WDR25: variants seen among roughly 807,000 people sequenced by gnomAD.
The protein encoded by WDR25 is WD repeat-containing protein 25.
In WDR25, 35 loss-of-function variants were observed where a neutral mutation model predicts 47.7. That is an observed-to-expected ratio of 0.73 (90% confidence interval 0.56 to 0.97). The LOEUF (loss-of-function observed/expected upper bound fraction) is 0.97, where lower values mean the gene tolerates loss of function less well. Among genes scored for constraint, WDR25 ranks in the 50% least tolerant of loss-of-function variants. WDR25 has a pLI of 0.00. For synonymous variants in WDR25, 248 were observed against 278.9 expected (o/e 0.89, Z 1.10); for missense variants, 634 against 704.7 (o/e 0.90, Z 1.14).
intron 2 of WDR25, among the ~76,000 whole-genome samples, chr14:100,386,421 A>T (rs943274516): frequency 2.0e-5 from 3 of 152,172 alleles, no homozygotes; most frequent in Admixed American, 6.5e-5. Flanking sequence ...GAATTTTTCT[A>T]CCTTATTAAA....
rs912878577 is a variant in WDR25, at chr14:100,428,189, C to T, written c.823-39832C>T. Among the ~76,000 whole-genome samples the T allele has an allele frequency of 2.0e-5, 3 of 152,236 alleles. No individual in the cohort carries two copies. The highest frequency in any genetic ancestry group is 2.9e-5 in the Non-Finnish European group (2 of 68,048). Reference sequence around the variant, plus strand: ...TCCGACCGAAGCGTTGGCACTGACCCGTCTAGAATTCTGTGTGCGGAGTGG... The same window carrying T: ...TCCGACCGAAGCGTTGGCACTGACCTGTCTAGAATTCTGTGTGCGGAGTGG... On this transcript the variant is annotated intron_variant, in intron 2 of 6. Coordinates refer to ENST00000402312, the MANE Select transcript of WDR25 (RefSeq NM_001161476.3). The surrounding 1 kb of genome is among the most constrained non-coding windows in gnomAD (Gnocchi z 4.3).
intron 4 of WDR25, among the ~76,000 whole-genome samples, chr14:100,486,710 G>A (rs886346494): frequency 1.3e-5 from 2 of 152,206 alleles, no homozygotes; most frequent in Admixed American, 1.3e-4. Flanking sequence ...GGCTCAGCCT[G>A]GGCGTGTATG....
chr14:100,406,001 G>C (rs73361441), intron 2 of WDR25, among the ~76,000 whole-genome samples: 3,520 of 152,236 alleles, frequency 0.023, 147 homozygotes, highest in African/African-American at 0.081. Context: ...CAGAATGGAG[G>C]TGTGCTCCAT....
chr14:100,396,724 G>A (rs903673593), intron 2 of WDR25, among the ~76,000 whole-genome samples: 1 of 152,244 alleles, frequency 6.6e-6, no homozygotes, highest in African/African-American at 2.4e-5. Flanking sequence ...ATCTCTGTCC[G>A]AATCAAGCTA....
intron 2 of WDR25, among the ~76,000 whole-genome samples, chr14:100,463,803 A>G (rs1262598974): frequency 1.3e-5 from 2 of 152,126 alleles, no homozygotes; most frequent in African/African-American, 4.8e-5. Flanking sequence ...TTGGGCCAGG[A>G]ACTGCGAATG....
intron 2 of WDR25, among the ~76,000 whole-genome samples, chr14:100,447,743 G>C (rs567212589): frequency 6.6e-6 from 1 of 152,300 alleles, no homozygotes; most frequent in African/African-American, 2.4e-5. Context: ...GTATTTCCCA[G>C]ACTTAAGCAA....
chr14:100,524,033 A>G (rs2029989356), intron 4 of WDR25, among the ~76,000 whole-genome samples: 1 of 152,164 alleles, frequency 6.6e-6, no homozygotes, highest in Non-Finnish European at 1.5e-5. Flanking sequence ...CATTATTGGC[A>G]GGGATCGCCC....
At chr14:100,456,732 T>C (rs1899217012) in intron 2 of WDR25, among the ~76,000 whole-genome samples, 1 of 152,092 alleles carries the variant, frequency 6.6e-6, no homozygotes, top group Non-Finnish European at 1.5e-5. Context: ...AATGAACAGA[T>C]CATCAGTGAG....
chr14:100,464,055 C>T (rs1056841655), intron 2 of WDR25, among the ~76,000 whole-genome samples: 1 of 152,156 alleles, frequency 6.6e-6, no homozygotes, highest in East Asian at 1.9e-4. Flanking sequence ...CATTCCCCTC[C>T]GTTCCACCTG....
Position 100,414,425 on chromosome 14 carries a change from G to C in WDR25, c.822+32679G>C, listed in dbSNP as rs111356216. On this transcript the variant is annotated intron_variant, in intron 2 of 6. Coordinates refer to ENST00000402312, the MANE Select transcript of WDR25 (RefSeq NM_001161476.3). ...CCTCCCAGGCTCAAGCAATTCTCCT[G>C]TCTCAGCCTCCCGAGTAGCTGGGAT... 8.0e-3 allele frequency among the ~76,000 whole-genome samples: 1,186 copies of C among 148,720 alleles called. 10 individuals carry two copies. The highest frequency in any genetic ancestry group is 0.024 in the African/African-American group (971 of 39,996).
chr14:100,426,636 A>T (rs1898177893), intron 2 of WDR25, among the ~76,000 whole-genome samples: 3 of 152,190 alleles, frequency 2.0e-5, no homozygotes, highest in African/African-American at 7.2e-5. Flanking sequence ...TGAGCCCCAC[A>T]GCTATCCTAG....
intron 3 of WDR25, among the ~76,000 whole-genome samples, chr14:100,479,081 G>A (rs901006036): frequency 6.7e-6 from 1 of 149,310 alleles, no homozygotes; most frequent in Admixed American, 6.7e-5. Flanking sequence ...TCTCGGTGGT[G>A]TGGGGACTGC....
At chr14:100,382,898 A>G (rs1385459729) in intron 2 of WDR25, among the ~76,000 whole-genome samples, 1 of 152,228 alleles carries the variant, frequency 6.6e-6, no homozygotes, top group Admixed American at 6.5e-5. Flanking sequence ...TCATGTGAGA[A>G]AAATGCTGAA....
chr14:100,460,741 G>A (rs58641296), intron 2 of WDR25, among the ~76,000 whole-genome samples: 2,324 of 152,082 alleles, frequency 0.015, 73 homozygotes, highest in African/African-American at 0.053. Context: ...CTCTAATGTC[G>A]TTCTTAACTG....
intron 4 of WDR25, among the ~76,000 whole-genome samples, chr14:100,512,408 T>A (rs1432530302): frequency 1.3e-5 from 2 of 152,234 alleles, no homozygotes; most frequent in Non-Finnish European, 2.9e-5. Context: ...ATGTTATTTT[T>A]AAAAATCTGT....
chr14:100,411,986 C>T (rs1026874560), intron 2 of WDR25, among the ~76,000 whole-genome samples: 1 of 152,150 alleles, frequency 6.6e-6, no homozygotes, highest in African/African-American at 2.4e-5. Flanking sequence ...ATTGCTGTTT[C>T]CCTTAAAATG....
chr14:100,513,290 G>A (rs894932505), intron 4 of WDR25, among the ~76,000 whole-genome samples: 3 of 152,146 alleles, frequency 2.0e-5, no homozygotes, highest in African/African-American at 7.2e-5. Flanking sequence ...ACCTTTGTTA[G>A]TGTAGTTAAT....
intron 2 of WDR25, among the ~76,000 whole-genome samples, chr14:100,459,926 A>AGTTGT (rs1899338901): frequency 9.0e-6 from 1 of 111,186 alleles, no homozygotes; most frequent in East Asian, 2.2e-4. Flanking sequence ...ATATATATAT[A>AGTTGT]TATATATATA....
intron 2 of WDR25, among the ~76,000 whole-genome samples, chr14:100,420,605 C>A (rs146994896): frequency 6.6e-6 from 1 of 152,226 alleles, no homozygotes; most frequent in East Asian, 1.9e-4. Flanking sequence ...CTAGCCAAGA[C>A]TAAGAATAAC....
Sources: allele counts gnomAD v4.1 joint callset (sites outside exome capture counted in the v4.1 genomes callset), GRCh38; gene constraint gnomAD v4.1.1; non-coding constraint Gnocchi (gnomAD v3.1); transcripts MANE v1.5; gene names NCBI Gene and HGNC (gene_info 2026-07-23, HGNC 2026-07-21).